DIAPH2: variants seen among roughly 807,000 people sequenced by gnomAD.
DIAPH2 encodes the protein protein diaphanous homolog 2.
DIAPH2 carries 35 observed loss-of-function variants against 92.7 expected under a neutral mutation model. The observed-to-expected ratio is 0.38, with a 90% CI of 0.29 to 0.50. The LOEUF (loss-of-function observed/expected upper bound fraction) is 0.50, where lower values mean the gene tolerates loss of function less well. Ranked by LOEUF, DIAPH2 falls within the 20% of genes least tolerant of loss-of-function variation. The pLI, the probability that DIAPH2 is intolerant of heterozygous loss-of-function variation, is 0.94. For synonymous variants in DIAPH2, 301 were observed against 280.4 expected (o/e 1.07, Z -0.73); for missense variants, 701 against 819.5 (o/e 0.86, Z 1.77).
chrX:96,823,670 G>T, intron 4 of DIAPH2, among the ~76,000 whole-genome samples: 2 of 110,928 alleles, frequency 1.8e-5, no homozygotes, highest in South Asian at 7.7e-4. Flanking sequence ...AAAGGAGAAA[G>T]GGTTCAATTA....
rs1388622138 is a variant in DIAPH2 at position 97,526,225 on chromosome X, C to A, written c.3242-73028C>A. Among the ~76,000 whole-genome samples, 2 of 110,995 alleles carry A rather than the reference C, an allele frequency of 1.8e-5. 1 individual carries two copies. The highest frequency in any genetic ancestry group is 3.8e-5 in the Non-Finnish European group (2 of 53,044). ...GGTTTTCTCTGAGAAAGCTTTTCTT[C>A]CCCTGAGCAGATCATAGCCTCCACA... On this transcript the variant is annotated intron_variant, in intron 26 of 26. Transcript: ENST00000324765.
At chrX:96,793,996 C>A (rs778559344) in intron 4 of DIAPH2, among the ~76,000 whole-genome samples, 16 of 111,549 alleles carry the variant, frequency 1.4e-4, no homozygotes, top group South Asian at 1.1e-3. Flanking sequence ...AAATACCATA[C>A]GTGGATTAGC....
chrX:96,921,235 T>C (rs11092132), intron 9 of DIAPH2, among the ~76,000 whole-genome samples: 44,808 of 110,255 alleles, frequency 0.41, 7,144 homozygotes, highest in South Asian at 0.53. Flanking sequence ...AGATTTTTTT[T>C]CCTAGCTTTT....
chrX:97,087,758 C>A (rs1042095839), intron 19 of DIAPH2, among the ~76,000 whole-genome samples: 1 of 111,856 alleles, frequency 8.9e-6, no homozygotes, highest in African/African-American at 3.2e-5. Flanking sequence ...GTCACTCTTT[C>A]TGGCCATTTA....
At chrX:97,027,343 G>A (rs2066342446) in intron 17 of DIAPH2, among the ~76,000 whole-genome samples, 1 of 111,750 alleles carries the variant, frequency 8.9e-6, no homozygotes, top group African/African-American at 3.3e-5. Context: ...AAAATATGGT[G>A]GGTGATAAAG....
At chrX:97,317,929 G>T (rs1216087475) in intron 23 of DIAPH2, among the ~76,000 whole-genome samples, 1 of 111,878 alleles carries the variant, frequency 8.9e-6, no homozygotes, top group African/African-American at 3.2e-5. Flanking sequence ...TTTAGCTAGT[G>T]TATCCATCAC....
At chrX:96,806,687 T>A (rs1416426876) in intron 4 of DIAPH2, among the ~76,000 whole-genome samples, 1 of 106,299 alleles carries the variant, frequency 9.4e-6, no homozygotes, top group African/African-American at 3.4e-5. Flanking sequence ...TTATATTTCA[T>A]TTGTCCTGTC....
intron 19 of DIAPH2, among the ~76,000 whole-genome samples, chrX:97,089,852 C>T (rs1362148455): frequency 1.8e-5 from 2 of 110,555 alleles, no homozygotes; most frequent in Non-Finnish European, 3.8e-5. Flanking sequence ...CTCAGCCTCC[C>T]GAGTAGCTGG....
intron 26 of DIAPH2, chrX:97,528,526 G>C (rs1291028151): frequency 9.0e-6 from 1 of 111,597 alleles, no homozygotes; most frequent in Non-Finnish European, 1.9e-5. Context: ...AAGAAAGAGA[G>C]AGGGAAGGGA....
chrX:97,420,410 T>A (rs1273373367), intron 25 of DIAPH2, among the ~76,000 whole-genome samples: 2 of 111,859 alleles, frequency 1.8e-5, no homozygotes, highest in African/African-American at 6.5e-5. Flanking sequence ...GGGTATAATA[T>A]CCACTTATGA....
intron 25 of DIAPH2, among the ~76,000 whole-genome samples, chrX:97,421,826 A>G (rs921258624): frequency 8.1e-5 from 9 of 110,974 alleles, no homozygotes; most frequent in African/African-American, 2.9e-4. Flanking sequence ...AGTTTCTTAA[A>G]ATGATATCCA....
intron 10 of DIAPH2, among the ~76,000 whole-genome samples, chrX:96,933,698 G>A (rs1260825592): frequency 4.7e-5 from 5 of 106,703 alleles, no homozygotes; most frequent in African/African-American, 1.7e-4. Context: ...CTGCCTCCCG[G>A]GTTCAAGCGA....
intron 26 of DIAPH2, among the ~76,000 whole-genome samples, chrX:97,472,310 A>C (rs1248164463): frequency 8.9e-6 from 1 of 112,327 alleles, no homozygotes; most frequent in Non-Finnish European, 1.9e-5. Context: ...ATAGTAATTT[A>C]CCTCATTGCT....
At chrX:96,988,119 CAGATGCT>C (rs2066044557) in intron 17 of DIAPH2, among the ~76,000 whole-genome samples, 1 of 109,234 alleles carries the variant, frequency 9.2e-6, no homozygotes, top group Admixed American at 9.9e-5. Context: ...TGCTCTGTGC[CAGATGCT>C]AGTCTAGGCC....
At chrX:96,904,126 A>G (rs1158278373) in intron 5 of DIAPH2, among the ~76,000 whole-genome samples, 1 of 112,038 alleles carries the variant, frequency 8.9e-6, no homozygotes, top group Non-Finnish European at 1.9e-5. Context: ...AAACGCAGCC[A>G]GAGAGAAAGA....
chrX:97,030,321 G>A (rs2066364824), intron 17 of DIAPH2, among the ~76,000 whole-genome samples: 1 of 111,052 alleles, frequency 9.0e-6, no homozygotes, highest in Non-Finnish European at 1.9e-5. Flanking sequence ...GAAATAATTG[G>A]GTACTGGAGA....
At chrX:97,028,663 C>T (rs766763772) in intron 17 of DIAPH2, among the ~76,000 whole-genome samples, 17 of 111,899 alleles carry the variant, frequency 1.5e-4, no homozygotes, top group Admixed American at 1.3e-3. Flanking sequence ...GAGTAGTATT[C>T]GGTTGTATGA....
At chrX:97,370,500 G>A (rs921386727) in intron 24 of DIAPH2, among the ~76,000 whole-genome samples, 6 of 112,057 alleles carry the variant, frequency 5.4e-5, no homozygotes, top group African/African-American at 9.7e-5. Context: ...AGTATATGAG[G>A]TGTAACTGTT....
At chrX:97,155,090 A>C (rs2067312311) in intron 22 of DIAPH2, among the ~76,000 whole-genome samples, 1 of 112,364 alleles carries the variant, frequency 8.9e-6, no homozygotes, top group Non-Finnish European at 1.9e-5. Context: ...AAATCAAACT[A>C]TATCGTATTC....
Sources: allele counts gnomAD v4.1 joint callset (sites outside exome capture counted in the v4.1 genomes callset), GRCh38; gene constraint gnomAD v4.1.1; transcripts MANE v1.5; gene names NCBI Gene and HGNC (gene_info 2026-07-23, HGNC 2026-07-21).